DSG1: variants seen among roughly 807,000 people sequenced by gnomAD.
The protein encoded by DSG1 is desmoglein 1.
Under a neutral mutation model 97.5 loss-of-function variants are expected in DSG1, and 39 were observed. That is an observed-to-expected ratio of 0.40 (90% CI 0.31 to 0.52). The LOEUF (loss-of-function observed/expected upper bound fraction) is 0.52, where lower values mean the gene tolerates loss of function less well. DSG1 is among the 20% of genes least tolerant of loss of function. DSG1 has a pLI of 0.53. For synonymous variants in DSG1, 475 were observed against 443.4 expected (o/e 1.07, Z -0.90); for missense variants, 1,311 against 1,295.4 (o/e 1.01, Z -0.18).
intron 10 of DSG1, among the ~76,000 whole-genome samples, chr18:31,338,851 T>C (rs1353278997): frequency 6.6e-6 from 1 of 152,144 alleles, no homozygotes; most frequent in Non-Finnish European, 1.5e-5. Context: ...GGCTTTGATA[T>C]CATATAGACT....
At position 31,319,473 on chromosome 18, in the gene DSG1, T is replaced by C. The variant is rs182868227; in HGVS notation, c.48+1125T>C. 5.1e-3 allele frequency among the ~76,000 whole-genome samples: 782 copies of C among 152,266 alleles called. 3 individuals carry two copies. Among genetic ancestry groups the C allele is most frequent in the Non-Finnish European group, 9.5e-3 (646 of 67,990 alleles). ...TTATAAATGAGCATCAGTAAGCTGG[T>C]GGCTTTGGTTCCAAGCTTTCCTTCA... On this transcript the variant is annotated intron_variant, in intron 1 of 14. Transcript: ENST00000257192.
rs551446335 is a variant in DSG1, at chr18:31,358,820, C to T, written c.*3474C>T. ...CATTTCACATTGCACTAGGATACAGCAGTCCACAGTAGAGTGCTACTCTCC... is the reference window on the plus strand; with the variant it reads ...CATTTCACATTGCACTAGGATACAGTAGTCCACAGTAGAGTGCTACTCTCC... On this transcript the variant is annotated 3_prime_UTR_variant, in exon 15 of 15. Transcript: ENST00000257192. 7.0e-4 allele frequency among the ~76,000 whole-genome samples: 106 copies of T among 152,182 alleles called. No homozygotes were observed. The highest frequency in any genetic ancestry group is 2.8e-3 in the Admixed American group (43 of 15,278).
Position 31,354,540 on chromosome 18 carries a change from C to T in DSG1, c.2344C>T (p.Pro782Ser). 1 of 1,614,164 alleles carries T rather than the reference C, an allele frequency of 6.2e-7. No homozygotes were observed. The highest frequency in any genetic ancestry group is 8.5e-7 in the Non-Finnish European group (1 of 1,180,022). ...DPSWPPQSTE[P>S]VCLPQETEPV... is the part of the protein sequence containing the mutation. Reference sequence around the variant, plus strand: ...TTCTTGGCCACCACAAAGCACTGAACCAGTTTGCCTTCCTCAGGAAACAGA... The same window carrying T: ...TTCTTGGCCACCACAAAGCACTGAATCAGTTTGCCTTCCTCAGGAAACAGA... Residue 782 changes from proline (P) to serine (S), a missense_variant, in exon 15 of 15, where the codon CCA becomes TCA. Around this residue, in one of 3 missense-constraint regions of DSG1, gnomAD observed 1,038 missense variants for 964.6 expected, o/e 1.08. Coordinates refer to ENST00000257192, the MANE Select transcript of DSG1 (RefSeq NM_001942.4).
At chr18:31,348,679 T>C (rs2071865763) in intron 14 of DSG1, among the ~76,000 whole-genome samples, 2 of 149,744 alleles carry the variant, frequency 1.3e-5, no homozygotes, top group South Asian at 4.3e-4. Context: ...TGTGAGATGG[T>C]ATCTCATTGT....
At chr18:31,342,925 G>A (rs1027305569) in intron 11 of DSG1, among the ~76,000 whole-genome samples, 6 of 147,568 alleles carry the variant, frequency 4.1e-5, no homozygotes, top group Non-Finnish European at 9.0e-5. Flanking sequence ...TTTGAGAGAG[G>A]GTCTCACTCT....
chr18:31,345,701 T>C (rs2071827257), intron 13 of DSG1, among the ~76,000 whole-genome samples: 2 of 152,196 alleles, frequency 1.3e-5, no homozygotes, highest in Admixed American at 1.3e-4. Flanking sequence ...TTCCTACAGG[T>C]TGAAATCAAA....
At chr18:31,348,047 C>T (rs897161422) in intron 14 of DSG1, among the ~76,000 whole-genome samples, 1 of 151,474 alleles carries the variant, frequency 6.6e-6, no homozygotes, top group African/African-American at 2.4e-5. Context: ...ATACATGTGC[C>T]ATGCTGGTGC....
In DSG1 at chr18:31,355,183, T is replaced by C. The variant is rs1215551245; in HGVS notation, c.2987T>C (p.Ile996Thr). The C allele has an allele frequency of 1.2e-6, 2 of 1,603,590 alleles. No homozygotes were observed. Among genetic ancestry groups the C allele is most frequent in the South Asian group, 2.2e-5 (2 of 89,332 alleles). ...AGCGGTGCCCTGAGTGGAGCTGGCA[T>C]AAGTGGTGGTGGCATTGGCCTGAGC... The part of the protein sequence containing the change: ...AGSGALSGAG[I>T]SGGGIGLSSL... The change falls in exon 15 of 15, where the codon ATA becomes ACA. Residue 996 changes from isoleucine (I) to threonine (T), a missense_variant. Ile to Thr is a moderately conservative substitution (Grantham distance 89). This residue lies in a region of DSG1 where 1,038 missense variants were observed against 964.6 expected (regional missense o/e 1.08). Transcript: ENST00000257192.
chr18:31,331,406 C>T (rs1347521875), intron 5 of DSG1, among the ~76,000 whole-genome samples: 1 of 151,888 alleles, frequency 6.6e-6, no homozygotes, highest in Non-Finnish European at 1.5e-5. Context: ...GCCACAGCAT[C>T]CTTTAAAAAA....
intron 11 of DSG1, among the ~76,000 whole-genome samples, chr18:31,340,471 G>C (rs2071781910): frequency 6.6e-6 from 1 of 151,780 alleles, no homozygotes; most frequent in Non-Finnish European, 1.5e-5. Flanking sequence ...ATCCGGGCAT[G>C]GTGGTAGGTG....
At chr18:31,327,356 A>G (rs2071692039) in intron 3 of DSG1, among the ~76,000 whole-genome samples, 1 of 152,204 alleles carries the variant, frequency 6.6e-6, no homozygotes, top group Non-Finnish European at 1.5e-5. Flanking sequence ...ACAATGTATT[A>G]GAATTGAATT....
intron 14 of DSG1, among the ~76,000 whole-genome samples, chr18:31,350,954 G>A (rs1466778963): frequency 6.7e-6 from 1 of 150,116 alleles, no homozygotes; most frequent in African/African-American, 2.5e-5. Flanking sequence ...AGGGTTTTTT[G>A]TGTCTCTATT....
intron 14 of DSG1, among the ~76,000 whole-genome samples, chr18:31,352,316 G>C (rs1421448011): frequency 1.5e-5 from 2 of 129,778 alleles, no homozygotes; most frequent in Admixed American, 7.7e-5. Context: ...CTTCTGGCTT[G>C]TAGGGTTTCT....
intron 11 of DSG1, among the ~76,000 whole-genome samples, chr18:31,340,737 G>A (rs1209157998): frequency 1.3e-5 from 2 of 152,146 alleles, no homozygotes; most frequent in Non-Finnish European, 2.9e-5. Context: ...GAACTCCAGT[G>A]TGCAAGAAAT....
chr18:31,346,272 T>C, intron 14 of DSG1, 74 bp downstream of exon 14: 1 of 1,275,894 alleles, frequency 7.8e-7, no homozygotes, highest in East Asian at 2.3e-5. Context: ...CACTAATTCC[T>C]AAAGGGGCTT....
At position 31,333,499 on chromosome 18, in the gene DSG1, C is replaced by T. The variant is rs1055851696; in HGVS notation, c.685-90C>T. 2.7e-5 allele frequency: 41 copies of T among 1,539,268 alleles called. No homozygotes were observed. The East Asian group carries it at 5.2e-4, about 19-fold the overall frequency. ...TACCTCTATCATAGATTTATGTAAA[C>T]GTTGAGCCAACTTTTCAAAGAACTT... On this transcript the variant is annotated intron_variant, in intron 6 of 14. Transcript: ENST00000257192.
chr18:31,352,892 C>A (rs1246868883), intron 14 of DSG1, among the ~76,000 whole-genome samples: 1 of 111,938 alleles, frequency 8.9e-6, no homozygotes, highest in Non-Finnish European at 1.9e-5. Context: ...TCAAAGTTTT[C>A]AACTTCTTTG....
At position 31,318,269 on chromosome 18, in the gene DSG1, C is replaced by T. The variant is rs952237389; in HGVS notation, c.-32C>T. 12 of 1,598,552 alleles carry T rather than the reference C, an allele frequency of 7.5e-6. No homozygotes were observed. The highest frequency in any genetic ancestry group is 5.0e-5 in the Admixed American group (3 of 59,978). On this transcript the variant is annotated 5_prime_UTR_variant, in exon 1 of 15. Coordinates refer to ENST00000257192, the MANE Select transcript of DSG1 (RefSeq NM_001942.4). ...AACAGAGAAGAACAAACAAAACTCCCTTGGTCTTGGATGTAAGAGAATCCA... is the reference window on the plus strand; with the variant it reads ...AACAGAGAAGAACAAACAAAACTCCTTTGGTCTTGGATGTAAGAGAATCCA...
chr18:31,355,152 G>A lies in DSG1; in HGVS notation c.2956G>A (p.Ala986Thr), dbSNP rs554746104. The A allele has an allele frequency of 3.7e-6, 6 of 1,609,950 alleles. No homozygotes were observed. The African/African-American group carries it at 6.7e-5, about 18-fold the overall frequency. Residue 986 changes from alanine (A) to threonine (T), a missense_variant, in exon 15 of 15, where the codon GCT becomes ACT. Ala to Thr is a moderately conservative substitution (Grantham distance 58). This residue lies in a region of DSG1 where 1,038 missense variants were observed against 964.6 expected (regional missense o/e 1.08). Transcript: ENST00000257192. ...TGGCCTGGTTGGCACCAGCATGGGT[G>A]CTGGGAGCGGTGCCCTGAGTGGAGC... ...SSGLVGTSMG[A>T]GSGALSGAGI... is the part of the protein sequence containing the mutation.
Sources: gnomAD v4.1 joint callset for allele counts (sites outside exome capture counted in the v4.1 genomes callset) on GRCh38, gnomAD v4.1.1 for gene constraint, gnomAD v4.1.1 regional missense constraint, MANE v1.5 for transcripts, NCBI Gene and HGNC (gene_info 2026-07-23, HGNC 2026-07-21) for gene names.